The following CYYR1 variants were observed in gnomAD, a reference collection of about 807,000 sequenced individuals.
The protein encoded by CYYR1 is cysteine and tyrosine rich 1, also known as cysteine and tyrosine-rich protein 1.
Under a neutral mutation model 15.2 loss-of-function variants are expected in CYYR1, and 14 were observed. That is an observed-to-expected ratio of 0.92 (90% CI 0.61 to 1.44). The LOEUF (loss-of-function observed/expected upper bound fraction) is 1.44, where lower values mean the gene tolerates loss of function less well. Ranked by LOEUF, CYYR1 falls within the 40% of genes most tolerant of loss-of-function variation. The pLI is 0.00. For synonymous variants in CYYR1, 80 were observed against 77.4 expected, an observed-to-expected ratio of 1.03 and a Z score of -0.18; for missense variants, 228 against 209.5, an observed-to-expected ratio of 1.09 and a Z score of -0.54.
intron 2 of CYYR1, among the ~76,000 whole-genome samples, chr21:26,544,934 G>A (rs1031429657): frequency 1.2e-4 from 18 of 151,862 alleles, no homozygotes; most frequent in African/African-American, 4.4e-4. Context: ...GCAACAGAGT[G>A]AGACCCTATC....
intron 2 of CYYR1, among the ~76,000 whole-genome samples, chr21:26,506,061 T>G (rs2065556818): frequency 2.0e-5 from 3 of 152,184 alleles, no homozygotes; most frequent in African/African-American, 7.2e-5. Context: ...ACATATAGCA[T>G]GCATCCGTCA....
chr21:26,482,358 A>T (rs1192421537), intron 2 of CYYR1: 1 of 985,180 alleles, frequency 1.0e-6, no homozygotes, highest in African/African-American at 1.7e-5. Context: ...TCTTTCCCAC[A>T]TTATCAGTAG....
At chr21:26,508,952 C>T (rs1405904307) in intron 2 of CYYR1, among the ~76,000 whole-genome samples, 4 of 152,182 alleles carry the variant, frequency 2.6e-5, no homozygotes, top group South Asian at 4.2e-4. Flanking sequence ...AACACATGAT[C>T]GAATACACAT....
chr21:26,502,520 C>T (rs542970132), intron 2 of CYYR1, among the ~76,000 whole-genome samples: 2 of 152,132 alleles, frequency 1.3e-5, no homozygotes, highest in South Asian at 4.2e-4. Context: ...GTAGTTGTTT[C>T]CTTCCTGTAC....
chr21:26,561,597 G>A (rs1980206980), intron 2 of CYYR1, among the ~76,000 whole-genome samples: 3 of 152,072 alleles, frequency 2.0e-5, no homozygotes, highest in South Asian at 4.1e-4. Flanking sequence ...AATCTCACCA[G>A]GATCTCCATT....
chr21:26,490,579 C>A (rs1170994090), intron 2 of CYYR1, among the ~76,000 whole-genome samples: 1 of 152,126 alleles, frequency 6.6e-6, no homozygotes, highest in African/African-American at 2.4e-5. Flanking sequence ...GTAGTAATTT[C>A]TTAATGCTAT....
chr21:26,527,769 G>A (rs1184082320), intron 2 of CYYR1, among the ~76,000 whole-genome samples: 1 of 152,130 alleles, frequency 6.6e-6, no homozygotes, highest in Non-Finnish European at 1.5e-5. Flanking sequence ...ATCTTTTATA[G>A]GTCCCGGGAG....
chr21:26,559,277 C>G (rs1980031451), intron 2 of CYYR1, among the ~76,000 whole-genome samples: 1 of 152,096 alleles, frequency 6.6e-6, no homozygotes, highest in African/African-American at 2.4e-5. Context: ...TTTTTTTGTG[C>G]ACACACATTG....
intron 3 of CYYR1, among the ~76,000 whole-genome samples, chr21:26,473,603 C>T (rs2065063266): frequency 6.6e-6 from 1 of 152,114 alleles, no homozygotes; most frequent in Non-Finnish European, 1.5e-5. Context: ...CAGTCTGTCA[C>T]CGCACCCTCT....
chr21:26,559,635 T>C (rs1980061708), intron 2 of CYYR1, among the ~76,000 whole-genome samples: 1 of 152,192 alleles, frequency 6.6e-6, no homozygotes. Flanking sequence ...GGATTTTTTA[T>C]TGTGGAGTGA....
Position 26,480,347 on chromosome 21 carries a change from A to C in CYYR1, c.259T>G (p.Cys87Gly). 2 of 1,613,634 alleles carry C rather than the reference A, an allele frequency of 1.2e-6. No individual in the cohort carries two copies. The highest frequency in any genetic ancestry group is 1.7e-6 in the Non-Finnish European group (2 of 1,179,686). Residue 87 changes from cysteine to glycine, a missense_variant, in exon 3 of 4, where the codon TGC becomes GGC. Transcript: ENST00000652641. ...CGGGTCGCCCTGTGGTTCTTCATGC[A>C]CATGCAGATGCATATGGCAATCCCA... The part of the protein sequence containing the change: ...IAGIAICICM[C>G]MKNHRATRVG...
intron 2 of CYYR1, among the ~76,000 whole-genome samples, chr21:26,506,026 T>C (rs570036284): frequency 4.6e-5 from 7 of 152,158 alleles, no homozygotes; most frequent in Non-Finnish European, 1.0e-4. Flanking sequence ...TTTATGTATA[T>C]GCCCATGGAA....
intron 2 of CYYR1, among the ~76,000 whole-genome samples, chr21:26,505,005 C>T (rs1054256958): frequency 2.0e-5 from 3 of 152,152 alleles, no homozygotes; most frequent in Non-Finnish European, 2.9e-5. Flanking sequence ...AGAATCTGTG[C>T]TCTGTTTAAG....
intron 2 of CYYR1, among the ~76,000 whole-genome samples, chr21:26,554,754 T>C (rs1196521592): frequency 1.3e-5 from 2 of 152,094 alleles, no homozygotes; most frequent in African/African-American, 4.8e-5. Flanking sequence ...TCATGTTTTA[T>C]TTATTTTATT....
At chr21:26,535,372 G>A (rs1442585834) in intron 2 of CYYR1, among the ~76,000 whole-genome samples, 2 of 152,164 alleles carry the variant, frequency 1.3e-5, no homozygotes, top group Non-Finnish European at 2.9e-5. Context: ...CTGGATAAAC[G>A]AGTAGGCCGC....
chr21:26,505,874 C>A (rs1440301365), intron 2 of CYYR1, among the ~76,000 whole-genome samples: 4 of 152,186 alleles, frequency 2.6e-5, no homozygotes, highest in African/African-American at 7.2e-5. Context: ...CATTAAGGAA[C>A]TATTTAGTCT....
intron 2 of CYYR1, among the ~76,000 whole-genome samples, chr21:26,531,065 G>A (rs941217678): frequency 2.6e-5 from 4 of 152,140 alleles, no homozygotes; most frequent in Non-Finnish European, 4.4e-5. Flanking sequence ...CAGCAGGCAC[G>A]CATAAGTGTA....
chr21:26,554,053 G>C (rs554505901), intron 2 of CYYR1, among the ~76,000 whole-genome samples: 141 of 152,246 alleles, frequency 9.3e-4, no homozygotes, highest in Non-Finnish European at 1.5e-3. Flanking sequence ...AAGTTGTTGT[G>C]CTTTTTGTTC....
At chr21:26,542,275 A>ATGTGTGTG (rs1425715642) in intron 2 of CYYR1, among the ~76,000 whole-genome samples, 3 of 56,988 alleles carry the variant, frequency 5.3e-5, no homozygotes, top group African/African-American at 1.7e-4. Flanking sequence ...GAGAGAGAGA[A>ATGTGTGTG]TATGTGTGTG....
Sources: allele counts gnomAD v4.1 joint callset (sites outside exome capture counted in the v4.1 genomes callset), GRCh38; gene constraint gnomAD v4.1.1; transcripts MANE v1.5; gene names NCBI Gene and HGNC (gene_info 2026-07-23, HGNC 2026-07-21).